Variants in GTF2H3 observed in about 807,000 individuals in gnomAD.
GTF2H3 encodes the protein TFIIH basal transcription factor complex p34 subunit.
Under a neutral mutation model 51.1 loss-of-function variants are expected in GTF2H3, and 42 were observed. The observed-to-expected ratio is 0.82, with a 90% confidence interval of 0.64 to 1.06. GTF2H3 has a LOEUF of 1.06. Among genes scored for constraint, GTF2H3 ranks in the 50% least tolerant of loss-of-function variants. GTF2H3 has a pLI of 0.00. For synonymous variants in GTF2H3, 123 were observed against 123.8 expected (o/e 0.99, Z 0.04); for missense variants, 326 against 366.1 (o/e 0.89, Z 0.89).
In GTF2H3 at chr12:123,660,296, G is replaced by T; in HGVS notation, c.*61G>T. 1 of 1,217,824 alleles carries T rather than the reference G, an allele frequency of 8.2e-7. No individual in the cohort carries two copies. The allele number at this position is 1,217,824 out of a possible 1,614,324, so 75.4% of individuals were successfully genotyped here. A position where few individuals can be genotyped will look rare whatever the true frequency, so the allele number is the denominator to read the frequency against. ...ATAGAAATTATATAGCAGATTCTTT[G>T]TTGGGAAGACTGAAAAAAATAAAGA... On this transcript the variant is annotated 3_prime_UTR_variant, in exon 13 of 13. Coordinates refer to ENST00000543341, the MANE Select transcript of GTF2H3 (RefSeq NM_001516.5).
intron 5 of GTF2H3, among the ~76,000 whole-genome samples, chr12:123,651,628 G>A (rs1022860023): frequency 1.3e-5 from 2 of 151,852 alleles, no homozygotes; most frequent in African/African-American, 4.8e-5. Flanking sequence ...GACCATCCTG[G>A]CTGACACAGT....
chr12:123,658,220 C>A (rs2135801098), intron 9 of GTF2H3, among the ~76,000 whole-genome samples: 2 of 151,732 alleles, frequency 1.3e-5, no homozygotes, highest in Middle Eastern at 3.4e-3. Flanking sequence ...CAATGCCTGG[C>A]TAATTTTTTA....
chr12:123,645,174 G>A (rs983351916), intron 2 of GTF2H3, among the ~76,000 whole-genome samples: 8 of 152,170 alleles, frequency 5.3e-5, no homozygotes, highest in African/African-American at 1.7e-4. Flanking sequence ...GGGCTTAAGC[G>A]ATCCTGCCAC....
intron 3 of GTF2H3, among the ~76,000 whole-genome samples, chr12:123,646,517 C>T (rs566534024): frequency 6.6e-6 from 1 of 152,296 alleles, no homozygotes; most frequent in South Asian, 2.1e-4. Flanking sequence ...TCACCCCAGC[C>T]TCCCCAAGTG....
rs1160998087 is a variant in GTF2H3, at chr12:123,662,459, T to G, written c.*2224T>G. On this transcript the variant is annotated 3_prime_UTR_variant, in exon 13 of 13. Transcript: ENST00000543341. ...CTAGGAAATAAAGTATTATATATAC[T>G]TTCAAACAAGCTAGCAAGGCTTTTA... The G allele has an allele frequency of 6.6e-6, 1 of 152,172 alleles. No homozygotes were observed. The highest frequency in any genetic ancestry group is 1.5e-5 in the Non-Finnish European group (1 of 68,028). The allele number at this position is 152,172 out of a possible 1,614,324, so 9.4% of individuals were successfully genotyped here.
chr12:123,655,988 A>T lies in GTF2H3; in HGVS notation c.615+164A>T, dbSNP rs11572986. 3.5e-3 allele frequency: 1,749 copies of T among 500,412 alleles called. 2 individuals are homozygous for T. The highest frequency in any genetic ancestry group is 5.2e-3 in the Non-Finnish European group (1,459 of 279,184). 31.0% of individuals were successfully genotyped at this position (500,412 alleles called of 1,614,324 possible). On this transcript the variant is annotated intron_variant, in intron 9 of 12. Transcript: ENST00000543341. The stretch of plus-strand genomic sequence containing the variant: ...CCCCCTTACGTATGGAGCTACTGGA[A>T]AATTTTAAATTACATATTGCTTGCG...
At chr12:123,652,344 T>C (rs1955530453) in intron 5 of GTF2H3, among the ~76,000 whole-genome samples, 188 bp from the exon 6 acceptor site, 1 of 152,216 alleles carries the variant, frequency 6.6e-6, no homozygotes, top group South Asian at 2.1e-4. Context: ...CAAAGTCCAG[T>C]TGACTGCAGA....
At chr12:123,638,022 G>A (rs1053712219) in intron 1 of GTF2H3, among the ~76,000 whole-genome samples, 2 of 151,938 alleles carry the variant, frequency 1.3e-5, no homozygotes, top group Non-Finnish European at 1.5e-5. Flanking sequence ...TTTCCAGACG[G>A]GGTCTCATTC....
intron 2 of GTF2H3, among the ~76,000 whole-genome samples, chr12:123,643,585 T>C (rs1318253719): frequency 2.0e-5 from 3 of 152,194 alleles, no homozygotes; most frequent in African/African-American, 7.2e-5. Context: ...TTCGTGGCCA[T>C]TTGTATTTCT....
intron 7 of GTF2H3, among the ~76,000 whole-genome samples, chr12:123,653,292 T>C (rs1457321155): frequency 6.6e-6 from 1 of 151,818 alleles, no homozygotes; most frequent in African/African-American, 2.4e-5. Flanking sequence ...AAAATCACAC[T>C]GTAAATTCAA....
At chr12:123,639,420 T>TA in intron 2 of GTF2H3, 77 bp downstream of exon 2, 1 of 721,378 alleles carries the variant, frequency 1.4e-6, no homozygotes, top group Non-Finnish European at 2.5e-6. Flanking sequence ...AAAATGGCTT[T>TA]ATTAAAGTAT....
At position 123,633,845 on chromosome 12, in the gene GTF2H3, G is replaced by A. The variant is rs1955228866; in HGVS notation, c.-15G>A. 1 of 1,613,066 alleles carries A rather than the reference G, an allele frequency of 6.2e-7. No individual in the cohort carries two copies. Among genetic ancestry groups the A allele is most frequent in the Non-Finnish European group, 8.5e-7 (1 of 1,180,022 alleles). ...CTGACCACCACTTGCTCTGCGCTGA[G>A]GTGCTGGGACAGCCATGGTTTCAGA... On this transcript the variant is annotated 5_prime_UTR_variant, in exon 1 of 13. Coordinates refer to ENST00000543341, the MANE Select transcript of GTF2H3 (RefSeq NM_001516.5).
rs1211631201 is a variant in GTF2H3, at chr12:123,648,145, T to C, written c.364+19T>C. On this transcript the variant is annotated intron_variant, in intron 4 of 12. Transcript: ENST00000543341. ...ACCAAAAGTAACAACTTTTAAACAT[T>C]GTTATTTTGCAAATAGTGTTGATTT... is the stretch of plus-strand genomic sequence containing the variant. The C allele has an allele frequency of 1.9e-6, 3 of 1,543,914 alleles. No homozygotes were observed. Among genetic ancestry groups the C allele is most frequent in the East Asian group, 4.5e-5 (2 of 44,092 alleles).
intron 2 of GTF2H3, among the ~76,000 whole-genome samples, chr12:123,645,025 T>G (rs1324674832): frequency 6.6e-6 from 1 of 152,212 alleles, no homozygotes; most frequent in Non-Finnish European, 1.5e-5. Context: ...GGGGAGCTCC[T>G]GAGCAAATTT....
At chr12:123,649,500 T>C (rs1039612079) in intron 4 of GTF2H3, 1 of 152,264 alleles carries the variant, frequency 6.6e-6, no homozygotes, top group African/African-American at 2.4e-5. Context: ...CTGCTCTAGA[T>C]TGTTATAGCC....
intron 3 of GTF2H3, among the ~76,000 whole-genome samples, chr12:123,647,479 A>C (rs990059830): frequency 6.6e-6 from 1 of 152,138 alleles, no homozygotes; most frequent in Admixed American, 6.5e-5. Context: ...CTCAAAAAAA[A>C]AAAGAGTCAT....
Position 123,651,044 on chromosome 12 carries a change from A to C in GTF2H3, c.415A>C (p.Lys139Gln). 6.2e-7 allele frequency: 1 copy of C among 1,611,856 alleles called. No homozygotes were observed. The highest frequency in any genetic ancestry group is 8.5e-7 in the Non-Finnish European group (1 of 1,177,978). ...TETLLAGSLA[K>Q]ALCYIHRMNK... is the part of the protein sequence containing the mutation. ...AACTTTGCTGGCAGGATCCCTGGCC[A>C]AAGCCCTTTGCTGTATCCTTGGTGT... is the stretch of plus-strand genomic sequence containing the variant. Residue 139 changes from lysine to glutamine, a missense_variant, in exon 5 of 13, where the codon AAA (lysine) becomes CAA (glutamine). By Grantham distance (53) the Lys-to-Gln change is moderately conservative. Coordinates refer to ENST00000543341, the MANE Select transcript of GTF2H3 (RefSeq NM_001516.5).
chr12:123,653,993 T>C (rs920156271), intron 7 of GTF2H3, among the ~76,000 whole-genome samples: 1 of 152,190 alleles, frequency 6.6e-6, no homozygotes, highest in Non-Finnish European at 1.5e-5. Context: ...AGGAGCATAG[T>C]ATATATTATA....
Position 123,660,064 on chromosome 12 carries a change from C to T in GTF2H3, c.839C>T (p.Pro280Leu). 1 of 1,605,688 alleles carries T rather than the reference C, an allele frequency of 6.2e-7. No homozygotes were observed. Among genetic ancestry groups the T allele is most frequent in the Non-Finnish European group, 8.5e-7 (1 of 1,178,020 alleles). The change falls in exon 12 of 13, where the codon CCC (proline) becomes CTC (leucine). Residue 280 changes from proline to leucine, a missense_variant. Coordinates refer to ENST00000543341, the MANE Select transcript of GTF2H3 (RefSeq NM_001516.5). ...TTTACAGTATTCTGCAATTTCAGCC[C>T]CATTTGTACTACGTGCGAGTAAGTA... ...VCLSIFCNFS[P>L]ICTTCETAFK...
Sources: allele counts gnomAD v4.1 joint callset (sites outside exome capture counted in the v4.1 genomes callset), GRCh38; gene constraint gnomAD v4.1.1; transcripts MANE v1.5; gene names NCBI Gene and HGNC (gene_info 2026-07-23, HGNC 2026-07-21).